Variants in CLECL1 observed in about 807,000 individuals in gnomAD.
CLECL1 encodes the protein C-type lectin like 1.
chr12:9,718,028 G>GT (rs1866258950), downstream of CLECL1, among the ~76,000 whole-genome samples: 1 of 151,840 alleles, frequency 6.6e-6, no homozygotes, highest in Admixed American at 6.6e-5. Context: ...CTCAGAATAC[G>GT]TTTTAAAAAT....
chr12:9,703,015 T>G, the CLECL1 span, among the ~76,000 whole-genome samples: 1 of 152,058 alleles, frequency 6.6e-6, no homozygotes, highest in Admixed American at 6.6e-5. Flanking sequence ...CCCAGAAAAA[T>G]TATCTCTACT....
the CLECL1 span, chr12:9,704,265 A>G: frequency 6.6e-6 from 1 of 152,204 alleles, no homozygotes; most frequent in East Asian, 1.9e-4. Context: ...TTCTGTATAT[A>G]ATTATGACAC....
At chr12:9,711,546 C>T (rs1226061933), downstream of CLECL1, among the ~76,000 whole-genome samples, 1 of 151,744 alleles carries the variant, frequency 6.6e-6, no homozygotes, top group Non-Finnish European at 1.5e-5. Flanking sequence ...TAGTTTTCAC[C>T]GTACTCAACT....
At chr12:9,727,266 C>T (rs1221692056) in intron 3 of CLECL1, among the ~76,000 whole-genome samples, 1 of 151,718 alleles carries the variant, frequency 6.6e-6, no homozygotes, top group Admixed American at 6.6e-5. Flanking sequence ...GAAATTTTAA[C>T]CCCAACCTGT....
chr12:9,725,853 C>T (rs1335886245), intron 3 of CLECL1, among the ~76,000 whole-genome samples: 1 of 152,026 alleles, frequency 6.6e-6, no homozygotes, highest in African/African-American at 2.4e-5. Context: ...TAAATGAATT[C>T]AAAGGGCAAG....
At chr12:9,713,522 T>G (rs1451824122), downstream of CLECL1, among the ~76,000 whole-genome samples, 1 of 152,250 alleles carries the variant, frequency 6.6e-6, no homozygotes, top group African/African-American at 2.4e-5. Context: ...TTTTACTTTC[T>G]TGTTGTTTTT....
chr12:9,723,252 C>A (rs1565481806), intron 3 of CLECL1, among the ~76,000 whole-genome samples: 2 of 151,980 alleles, frequency 1.3e-5, no homozygotes, highest in Non-Finnish European at 2.9e-5. Context: ...ATAGGCAGTC[C>A]CCCAAAATCA....
downstream of CLECL1, among the ~76,000 whole-genome samples, chr12:9,718,360 A>G (rs1866262292): frequency 6.8e-6 from 1 of 147,528 alleles, no homozygotes. Context: ...TTTCCTTACT[A>G]TTTTTTTTTT....
chr12:9,724,097 G>T (rs1487109859), intron 3 of CLECL1, among the ~76,000 whole-genome samples: 1 of 150,108 alleles, frequency 6.7e-6, no homozygotes, highest in Admixed American at 6.7e-5. Flanking sequence ...TGAGGCAAGA[G>T]ACTTGCTTGA....
upstream of CLECL1, chr12:9,733,062 A>C (rs779620162): frequency 3.2e-5 from 51 of 1,614,140 alleles, 1 homozygote; most frequent in South Asian, 5.3e-4. Flanking sequence ...GAAGACCACA[A>C]ATGATGTCCC....
chr12:9,720,341 A>ATTT (rs777503358), downstream of CLECL1, among the ~76,000 whole-genome samples: 10 of 133,450 alleles, frequency 7.5e-5, no homozygotes, highest in Admixed American at 3.7e-4. Flanking sequence ...CCACCTCTGT[A>ATTT]TTTTTTTTTT....
the CLECL1 span, among the ~76,000 whole-genome samples, chr12:9,704,606 AG>A: frequency 6.6e-6 from 1 of 151,992 alleles, no homozygotes; most frequent in East Asian, 1.9e-4. Flanking sequence ...ATTTCCCTCT[AG>A]GTATCTATGT....
chr12:9,722,268 C>T (rs1002206833), downstream of CLECL1, among the ~76,000 whole-genome samples: 2 of 152,148 alleles, frequency 1.3e-5, no homozygotes, highest in African/African-American at 4.8e-5. Flanking sequence ...TTCTGCCTTC[C>T]CTTTCTCACA....
chr12:9,706,467 C>T, the CLECL1 span, among the ~76,000 whole-genome samples: 3 of 152,114 alleles, frequency 2.0e-5, no homozygotes, highest in African/African-American at 7.2e-5. Flanking sequence ...AGCTTTTGCC[C>T]ATTTAATATG....
At chr12:9,706,656 T>A in the CLECL1 span, among the ~76,000 whole-genome samples, 1 of 152,212 alleles carries the variant, frequency 6.6e-6, no homozygotes, top group Non-Finnish European at 1.5e-5. Context: ...ATGAATTACA[T>A]TTATTGGTTG....
chr12:9,732,917 T>C (rs1329671395), intron 1 of CLECL1, 32 bp downstream of exon 1: 1 of 1,524,422 alleles, frequency 6.6e-7, no homozygotes, highest in African/African-American at 1.4e-5. Context: ...AGTAAAATCT[T>C]AATTCTCAAA....
chr12:9,722,666 A>G, exon 4 of CLECL1: 1 of 1,613,840 alleles, frequency 6.2e-7, no homozygotes. Flanking sequence ...GTCTTGAATC[A>G]CCATGAGATA....
At chr12:9,716,485 C>T (rs758935256) in exon 3 of CLECL1, 1 of 183,934 alleles carries the variant, frequency 5.4e-6, no homozygotes, top group East Asian at 1.8e-4. Flanking sequence ...ACTTGATGAA[C>T]ACTGTCCCAG....
chr12:9,711,546 C>A (rs1226061933), downstream of CLECL1, among the ~76,000 whole-genome samples: 1 of 151,744 alleles, frequency 6.6e-6, no homozygotes, highest in Admixed American at 6.6e-5. Flanking sequence ...TAGTTTTCAC[C>A]GTACTCAACT....
Sources: gnomAD v4.1 joint callset for allele counts (sites outside exome capture counted in the v4.1 genomes callset) on GRCh38, gnomAD v4.1.1 for gene constraint, MANE v1.5 for transcripts, NCBI Gene and HGNC (gene_info 2026-07-23, HGNC 2026-07-21) for gene names.